PDSS2: variants seen among roughly 807,000 people sequenced by gnomAD.
PDSS2 encodes all trans-polyprenyl-diphosphate synthase PDSS2.
Under a neutral mutation model 44.5 loss-of-function variants are expected in PDSS2, and 31 were observed. That is an observed-to-expected ratio of 0.70 (90% confidence interval 0.52 to 0.94). PDSS2 has a LOEUF of 0.94. Ranked by LOEUF, PDSS2 falls within the 40% of genes least tolerant of loss-of-function variation. The probability of loss-of-function intolerance (pLI) is 0.00; values close to 1 mark genes in which losing one functional copy is unlikely to be tolerated. For synonymous variants in PDSS2, 157 were observed against 180.3 expected (o/e 0.87, Z 1.03); for missense variants, 452 against 482.2 (o/e 0.94, Z 0.59).
At chr6:107,289,529 C>A (rs1776276765) in intron 2 of PDSS2, among the ~76,000 whole-genome samples, 1 of 151,806 alleles carries the variant, frequency 6.6e-6, no homozygotes, top group Non-Finnish European at 1.5e-5. Flanking sequence ...GCGAAACTAT[C>A]CCTAGAAAAA....
At chr6:107,273,459 A>C (rs1194380614) in intron 3 of PDSS2, among the ~76,000 whole-genome samples, 1 of 152,220 alleles carries the variant, frequency 6.6e-6, no homozygotes, top group Non-Finnish European at 1.5e-5. Context: ...TAGTAAAAAT[A>C]AGAAGCAACC....
At chr6:107,333,340 T>C (rs1052256142) in intron 2 of PDSS2, among the ~76,000 whole-genome samples, 2 of 152,164 alleles carry the variant, frequency 1.3e-5, no homozygotes, top group African/African-American at 4.8e-5. Context: ...ATATATCCAG[T>C]GATTTTTTTA....
intron 1 of PDSS2, among the ~76,000 whole-genome samples, chr6:107,389,530 C>T (rs1779716927): frequency 6.6e-6 from 1 of 152,108 alleles, no homozygotes; most frequent in Non-Finnish European, 1.5e-5. Context: ...ATAGATGCTA[C>T]ATCATAGAAG....
chr6:107,271,684 A>G (rs1180713457), intron 3 of PDSS2, among the ~76,000 whole-genome samples: 1 of 152,192 alleles, frequency 6.6e-6, no homozygotes, highest in East Asian at 1.9e-4. Context: ...TCTGTCCTTG[A>G]TTGGGAAGTG....
intron 1 of PDSS2, among the ~76,000 whole-genome samples, chr6:107,353,162 A>C (rs2115342647): frequency 6.6e-6 from 1 of 152,224 alleles, no homozygotes; most frequent in East Asian, 1.9e-4. Context: ...CTTTTAAGAC[A>C]CTGAAAAAAA....
chr6:107,221,222 A>G (rs1203998949), intron 4 of PDSS2, among the ~76,000 whole-genome samples: 3 of 151,696 alleles, frequency 2.0e-5, no homozygotes, highest in African/African-American at 7.3e-5. Flanking sequence ...GGCGCCTGTA[A>G]TCCCAGCTAC....
At chr6:107,359,213 T>C (rs1778688663) in intron 1 of PDSS2, among the ~76,000 whole-genome samples, 1 of 151,468 alleles carries the variant, frequency 6.6e-6, no homozygotes, top group Non-Finnish European at 1.5e-5. Context: ...GGCTTCATCA[T>C]GTTGGCCAGG....
chr6:107,423,205 G>A (rs191201632), intron 1 of PDSS2, among the ~76,000 whole-genome samples: 451 of 152,100 alleles, frequency 3.0e-3, no homozygotes, highest in Admixed American at 4.9e-3. Context: ...ATTGTTTTAG[G>A]TATTAGTAAA....
chr6:107,358,097 G>C (rs1778646683), intron 1 of PDSS2, among the ~76,000 whole-genome samples: 1 of 152,024 alleles, frequency 6.6e-6, no homozygotes, highest in Non-Finnish European at 1.5e-5. Context: ...TTCTATACCT[G>C]ACCTCATGTG....
At chr6:107,333,246 G>A (rs1475789162) in intron 2 of PDSS2, among the ~76,000 whole-genome samples, 1 of 151,896 alleles carries the variant, frequency 6.6e-6, no homozygotes, top group African/African-American at 2.4e-5. Flanking sequence ...CCTGTTGATT[G>A]TTACATCTAT....
intron 1 of PDSS2, among the ~76,000 whole-genome samples, chr6:107,437,715 C>A (rs748261062): frequency 2.6e-5 from 4 of 151,898 alleles, no homozygotes; most frequent in Non-Finnish European, 2.9e-5. Context: ...TTCCCCTATG[C>A]CCCACCTCTG....
At chr6:107,454,594 T>C (rs1489387979) in intron 1 of PDSS2, among the ~76,000 whole-genome samples, 1 of 152,090 alleles carries the variant, frequency 6.6e-6, no homozygotes, top group East Asian at 1.9e-4. Context: ...CTTGACAAGA[T>C]GTCTTAGGTA....
chr6:107,312,333 C>T (rs988436421), intron 2 of PDSS2, among the ~76,000 whole-genome samples: 1 of 152,280 alleles, frequency 6.6e-6, no homozygotes, highest in African/African-American at 2.4e-5. Flanking sequence ...GTGGACCAGG[C>T]CTCTCTAGAA....
chr6:107,287,629 C>G lies in PDSS2; in HGVS notation c.432-13402G>C, dbSNP rs374533195. Among the ~76,000 whole-genome samples the G allele has an allele frequency of 6.6e-5, 10 of 152,060 alleles. No individual in the cohort carries two copies. The East Asian group carries it at 9.6e-4, about 15-fold the overall frequency. On this transcript the variant is annotated intron_variant, in intron 2 of 7. Transcript: ENST00000369037. ...CTTTGCTTCCTGGGTTCAAGCAATT[C>G]TCCTGCCTCAGCCTCCCAAGTAGCT...
chr6:107,345,611 T>G (rs1477498885), intron 1 of PDSS2, among the ~76,000 whole-genome samples: 1 of 151,584 alleles, frequency 6.6e-6, no homozygotes, highest in Non-Finnish European at 1.5e-5. Flanking sequence ...AATGATGAAA[T>G]ACTTTATAGA....
chr6:107,431,461 G>A (rs931920650), intron 1 of PDSS2, among the ~76,000 whole-genome samples: 22 of 152,038 alleles, frequency 1.4e-4, no homozygotes, highest in Non-Finnish European at 1.2e-4. Context: ...CATTGCCCAG[G>A]CTGATCTTGA....
In PDSS2 at chr6:107,372,157, G is replaced by A. The variant is rs572231122; in HGVS notation, c.297-37825C>T. Among the ~76,000 whole-genome samples the A allele has an allele frequency of 2.0e-3, 312 of 152,242 alleles. 1 individual carries two copies. Among genetic ancestry groups the A allele is most frequent in the Admixed American group, 7.3e-3 (112 of 15,294 alleles). On this transcript the variant is annotated intron_variant, in intron 1 of 7. Coordinates refer to ENST00000369037, the MANE Select transcript of PDSS2 (RefSeq NM_020381.4). ...CTTCTATTCTAGCAGGCAGTCAAGG[G>A]GGGTAGTCACCAAACTGTGGGCTGG...
intron 4 of PDSS2, among the ~76,000 whole-genome samples, chr6:107,216,445 C>A (rs989317366): frequency 5.9e-5 from 9 of 151,968 alleles, no homozygotes; most frequent in Admixed American, 5.9e-4. Flanking sequence ...TGCACTCTAA[C>A]CTGGACAACA....
At chr6:107,200,908 G>A (rs1772747233) in intron 6 of PDSS2, among the ~76,000 whole-genome samples, 2 of 152,060 alleles carry the variant, frequency 1.3e-5, no homozygotes, top group East Asian at 1.9e-4. Flanking sequence ...CAGGTGATCC[G>A]CCCACCTCAG....
Sources: allele counts gnomAD v4.1 joint callset (sites outside exome capture counted in the v4.1 genomes callset), GRCh38; gene constraint gnomAD v4.1.1; transcripts MANE v1.5; gene names NCBI Gene and HGNC (gene_info 2026-07-23, HGNC 2026-07-21).